RGL1: variants seen among roughly 807,000 people sequenced by gnomAD.
RGL1 encodes the protein ral guanine nucleotide dissociation stimulator-like 1.
In RGL1, 24 loss-of-function variants were observed where a neutral mutation model predicts 95.2. The observed-to-expected ratio is 0.25, with a 90% CI of 0.18 to 0.35. The LOEUF (loss-of-function observed/expected upper bound fraction) is 0.35, where lower values mean the gene tolerates loss of function less well. RGL1 is among the 10% of genes least tolerant of loss of function. RGL1 has a pLI of 1.00. For missense variants in RGL1, 715 were observed against 936.3 expected (o/e 0.76, Z 3.08); for synonymous variants, 329 against 344.9 (o/e 0.95, Z 0.51).
chr1:183,795,083 G>A (rs1660630229), intron 2 of RGL1, among the ~76,000 whole-genome samples: 1 of 152,156 alleles, frequency 6.6e-6, no homozygotes, highest in Admixed American at 6.5e-5. Context: ...TGCCCAGGCT[G>A]GTGTTGAATT....
At chr1:183,812,635 G>A (rs913216531) in intron 2 of RGL1, among the ~76,000 whole-genome samples, 7 of 152,204 alleles carry the variant, frequency 4.6e-5, no homozygotes, top group Non-Finnish European at 7.3e-5. Context: ...CCATTGCTAG[G>A]GGAGCCCAGA....
intron 9 of RGL1, among the ~76,000 whole-genome samples, chr1:183,893,003 G>A (rs778370017): frequency 3.1e-4 from 47 of 152,236 alleles, no homozygotes; most frequent in Non-Finnish European, 5.4e-4. Context: ...TGAATGTAAT[G>A]TGGTGAGACT....
chr1:183,926,356 G>A lies in RGL1; in HGVS notation c.*64G>A. On this transcript the variant is annotated 3_prime_UTR_variant, in exon 18 of 18. Transcript: ENST00000360851. ...GTGGGGCTGAGAAACAGGCTGCGGTGATTGCAATTACCATCCGGTGTTCGA... is the reference window on the plus strand; with the variant it reads ...GTGGGGCTGAGAAACAGGCTGCGGTAATTGCAATTACCATCCGGTGTTCGA... 1 of 1,375,408 alleles carries A rather than the reference G, an allele frequency of 7.3e-7. No individual in the cohort carries two copies. The highest frequency in any genetic ancestry group is 2.4e-5 in the East Asian group (1 of 41,974). The allele number at this position is 1,375,408 out of a possible 1,614,324, so 85.2% of individuals were successfully genotyped here.
chr1:183,859,207 G>A (rs1046434586), intron 3 of RGL1, among the ~76,000 whole-genome samples: 5 of 152,174 alleles, frequency 3.3e-5, no homozygotes, highest in Admixed American at 6.5e-5. Flanking sequence ...GAGTAGCTAC[G>A]GATGGGCCAC....
At chr1:183,896,990 T>C (rs1216102494) in intron 9 of RGL1, among the ~76,000 whole-genome samples, 3 of 152,208 alleles carry the variant, frequency 2.0e-5, no homozygotes, top group Non-Finnish European at 4.4e-5. Context: ...AAACTTCCGG[T>C]GCAAAAGTTT....
At chr1:183,644,147 G>C (rs1217038465) in intron 1 of RGL1, among the ~76,000 whole-genome samples, 1 of 152,154 alleles carries the variant, frequency 6.6e-6, no homozygotes, top group Non-Finnish European at 1.5e-5. Flanking sequence ...TTCAGACTTT[G>C]TAGTGAATCT....
chr1:183,775,966 AAAAC>A (rs1659572831), intron 2 of RGL1, among the ~76,000 whole-genome samples: 1 of 152,224 alleles, frequency 6.6e-6, no homozygotes, highest in Non-Finnish European at 1.5e-5. Flanking sequence ...AAACACATAA[AAAAC>A]AAAGCATTAA....
intron 3 of RGL1, among the ~76,000 whole-genome samples, chr1:183,848,382 A>G (rs1231555625): frequency 6.6e-6 from 1 of 152,128 alleles, no homozygotes; most frequent in Admixed American, 6.5e-5. Context: ...TTTCTGTTTT[A>G]TTTAGAATTA....
chr1:183,804,039 C>T (rs907548248), upstream of RGL1, among the ~76,000 whole-genome samples: 1 of 152,192 alleles, frequency 6.6e-6, no homozygotes, highest in Non-Finnish European at 1.5e-5. Flanking sequence ...CAAGTGTCCA[C>T]AGATCCTTTT....
rs193162763 is a variant in RGL1 at position 183,903,770 on chromosome 1, C to T, written c.1351-1080C>T. 5.7e-4 allele frequency among the ~76,000 whole-genome samples: 87 copies of T among 152,220 alleles called. 1 individual carries two copies. In the Middle Eastern group the frequency reaches 0.02, roughly 36 times the overall value. ...CAGAGAAACTTCCAGGAGAAAATGA[C>T]GTTGAAGTTAAAACCAAAAAGGCAT... is the stretch of plus-strand genomic sequence containing the variant. On this transcript the variant is annotated intron_variant, in intron 12 of 17. Coordinates refer to ENST00000360851, the MANE Select transcript of RGL1 (RefSeq NM_001297671.3).
At chr1:183,666,692 T>A (rs1487044172) in intron 1 of RGL1, among the ~76,000 whole-genome samples, 1 of 152,216 alleles carries the variant, frequency 6.6e-6, no homozygotes, top group Non-Finnish European at 1.5e-5. Flanking sequence ...GATTTCTAGT[T>A]GTAACTCCAC....
intron 13 of RGL1, 94 bp downstream of exon 13, chr1:183,905,065 A>G: frequency 2.1e-6 from 3 of 1,448,232 alleles, no homozygotes; most frequent in Non-Finnish European, 2.8e-6. Flanking sequence ...TTCAACAACT[A>G]TTTAGTGAGC....
At chr1:183,891,012 T>C (rs1667387310) in intron 8 of RGL1, among the ~76,000 whole-genome samples, 1 of 152,208 alleles carries the variant, frequency 6.6e-6, no homozygotes, top group Non-Finnish European at 1.5e-5. Context: ...TATTTGGTTA[T>C]CACTTTCCCT....
At chr1:183,827,718 C>T (rs1189873813) in intron 2 of RGL1, among the ~76,000 whole-genome samples, 9 of 152,170 alleles carry the variant, frequency 5.9e-5, no homozygotes, top group African/African-American at 2.2e-4. Context: ...TTTTCTTATT[C>T]CCTCTCTTTC....
At chr1:183,655,273 G>A (rs917713012) in intron 1 of RGL1, among the ~76,000 whole-genome samples, 2 of 152,190 alleles carry the variant, frequency 1.3e-5, no homozygotes, top group Non-Finnish European at 2.9e-5. Context: ...TATCCAAGAT[G>A]GCTTGTGTGT....
At chr1:183,664,871 C>CT (rs138545474) in intron 1 of RGL1, among the ~76,000 whole-genome samples, 3 of 151,822 alleles carry the variant, frequency 2.0e-5, no homozygotes, top group African/African-American at 7.3e-5. Context: ...AACCTGTATA[C>CT]TTTTTTTTCC....
rs372950594 is a variant in RGL1 at position 183,922,331 on chromosome 1, A to C, written c.2114A>C (p.Asp705Ala). Reference sequence around the variant, plus strand: ...GAGCTGGTGCAGGTCATCTCGGAGGACAAAGGTGGGCATCCTTCCGAGACA... The same window carrying C: ...GAGCTGGTGCAGGTCATCTCGGAGGCCAAAGGTGGGCATCCTTCCGAGACA... ...EYELVQVISE[D>A]KELVIPDSAN... Residue 705 changes from aspartate (D) to alanine (A), a missense_variant, in exon 17 of 18, where the codon GAC (aspartate) becomes GCC (alanine). Coordinates refer to ENST00000360851, the MANE Select transcript of RGL1 (RefSeq NM_001297671.3). 14 of 1,612,512 alleles carry C rather than the reference A, an allele frequency of 8.7e-6. No homozygotes were observed. Among genetic ancestry groups the C allele is most frequent in the Non-Finnish European group, 1.2e-5 (14 of 1,178,906 alleles).
intron 3 of RGL1, among the ~76,000 whole-genome samples, chr1:183,849,252 G>A (rs3002646): frequency 0.8 from 121,035 of 151,636 alleles, 48,428 homozygotes; most frequent in Middle Eastern, 0.88. Flanking sequence ...CGCCTGGCCA[G>A]TTTTCAGTTT....
At chr1:183,709,591 G>A (rs181336796) in intron 1 of RGL1, 7 of 181,956 alleles carry the variant, frequency 3.8e-5, no homozygotes, top group Admixed American at 2.8e-4. Context: ...GGAAGCTTTT[G>A]CAAATGGATT....
Sources: gnomAD v4.1 joint callset for allele counts (sites outside exome capture counted in the v4.1 genomes callset) on GRCh38, gnomAD v4.1.1 for gene constraint, MANE v1.5 for transcripts, NCBI Gene and HGNC (gene_info 2026-07-23, HGNC 2026-07-21) for gene names.